The following NTM variants were observed in gnomAD, a reference collection of about 807,000 sequenced individuals.
NTM encodes neurotrimin.
In NTM, 13 loss-of-function variants were observed where a neutral mutation model predicts 42.1. The ratio of observed to expected loss-of-function variants is 0.31; its 90% CI spans 0.20 to 0.49. The LOEUF is 0.49. Among genes scored for constraint, NTM ranks in the 20% least tolerant of loss-of-function variants. The pLI, the probability that NTM is intolerant of heterozygous loss-of-function variation, is 0.99. For synonymous variants in NTM, 187 were observed against 179.2 expected, an observed-to-expected ratio of 1.04 and a Z score of -0.35; for missense variants, 373 against 452.8, an observed-to-expected ratio of 0.82 and a Z score of 1.60.
intron 1 of NTM, among the ~76,000 whole-genome samples, chr11:131,710,365 C>T (rs1290815944): frequency 2.6e-5 from 4 of 152,080 alleles, no homozygotes; most frequent in Non-Finnish European, 5.9e-5. Flanking sequence ...TAAGGTGATG[C>T]CTCCGTCCCC....
At chr11:132,115,184 CAA>C (rs1246092054) in intron 2 of NTM, among the ~76,000 whole-genome samples, 1 of 152,040 alleles carries the variant, frequency 6.6e-6, no homozygotes, top group Non-Finnish European at 1.5e-5. Context: ...TGAACGGGTA[CAA>C]AGTTTCAGTT....
At chr11:131,503,152 A>G (rs2047043848) in intron 1 of NTM, among the ~76,000 whole-genome samples, 2 of 152,088 alleles carry the variant, frequency 1.3e-5, no homozygotes, top group African/African-American at 4.8e-5. Context: ...GCCCACAGGA[A>G]CTCTCCAGTA....
chr11:132,078,284 ACACACT>A (rs1055220612), intron 2 of NTM, among the ~76,000 whole-genome samples: 1 of 152,210 alleles, frequency 6.6e-6, no homozygotes, highest in African/African-American at 2.4e-5. Context: ...GCTGGAACTG[ACACACT>A]CACGGATGTG....
chr11:131,394,817 A>C (rs1944380836), intron 1 of NTM, among the ~76,000 whole-genome samples: 1 of 152,194 alleles, frequency 6.6e-6, no homozygotes, highest in Admixed American at 6.5e-5. Flanking sequence ...TAAGTTGGTC[A>C]ATTCACTCCT....
At chr11:131,682,648 G>C (rs373993277) in intron 1 of NTM, among the ~76,000 whole-genome samples, 1 of 152,260 alleles carries the variant, frequency 6.6e-6, no homozygotes, top group African/African-American at 2.4e-5. Context: ...CCACTGACAC[G>C]GAGAGCGGGT....
At chr11:131,890,507 G>A (rs2051160119) in intron 1 of NTM, among the ~76,000 whole-genome samples, 2 of 152,180 alleles carry the variant, frequency 1.3e-5, no homozygotes, top group Admixed American at 6.5e-5. Context: ...AAACTCATGA[G>A]CGCTCTCCTT....
intron 2 of NTM, among the ~76,000 whole-genome samples, chr11:132,095,029 A>G (rs1337856010): frequency 6.6e-6 from 1 of 152,212 alleles, no homozygotes; most frequent in African/African-American, 2.4e-5. Context: ...AGATGGAGAC[A>G]TTCCTCATGT....
Position 131,651,805 on chromosome 11 carries a change from C to A in NTM, c.83-259759C>A, listed in dbSNP as rs563090647. ...GCAGTGAGCTGAGATCACGCCACTA[C>A]GCTACAGTCTGGAAACAATGTGAGA... On this transcript the variant is annotated intron_variant, in intron 1 of 8. Coordinates refer to ENST00000683400, the MANE Select transcript of NTM (RefSeq NM_001352005.2). 3.9e-5 allele frequency among the ~76,000 whole-genome samples: 6 copies of A among 152,076 alleles called. No individual in the cohort carries two copies. In the East Asian group the frequency reaches 9.7e-4, roughly 25 times the overall value.
intron 3 of NTM, among the ~76,000 whole-genome samples, chr11:132,189,817 G>A (rs145035072): frequency 3.3e-5 from 5 of 152,260 alleles, no homozygotes; most frequent in African/African-American, 9.6e-5. Context: ...TGTGTGATTC[G>A]GTTTATGCAT....
chr11:131,610,302 G>A (rs1003700191), intron 1 of NTM, among the ~76,000 whole-genome samples: 3 of 152,206 alleles, frequency 2.0e-5, no homozygotes, highest in African/African-American at 7.2e-5. Context: ...ATTAAACCAT[G>A]GCAGGAAACC....
rs537714860 is a variant in NTM at position 131,899,864 on chromosome 11, T to C, written c.83-11700T>C. Among the ~76,000 whole-genome samples, 3 of 152,380 alleles carry C rather than the reference T, an allele frequency of 2.0e-5. No individual in the cohort carries two copies. The South Asian group carries it at 6.2e-4, about 32-fold the overall frequency. ...ACATCGTGAATACCAAATGTCATCA[T>C]CAATTTCATGTTCCTCGTTTGTAGA... On this transcript the variant is annotated intron_variant, in intron 1 of 8. Coordinates refer to ENST00000683400, the MANE Select transcript of NTM (RefSeq NM_001352005.2).
At chr11:131,690,340 G>C (rs1398071157) in intron 1 of NTM, among the ~76,000 whole-genome samples, 1 of 152,234 alleles carries the variant, frequency 6.6e-6, no homozygotes, top group Non-Finnish European at 1.5e-5. Flanking sequence ...AGGTAGAGAT[G>C]TGAACCCCAG....
intron 1 of NTM, among the ~76,000 whole-genome samples, chr11:131,677,199 C>A (rs983059191): frequency 1.3e-5 from 2 of 152,144 alleles, no homozygotes; most frequent in African/African-American, 4.8e-5. Context: ...GCAGTGAGTG[C>A]CAGGAATGGA....
chr11:131,573,318 G>A (rs2057630657), intron 1 of NTM, among the ~76,000 whole-genome samples: 1 of 152,182 alleles, frequency 6.6e-6, no homozygotes, highest in South Asian at 2.1e-4. Flanking sequence ...TCATTTGCAA[G>A]ATTTCTGTTT....
chr11:131,464,950 A>C (rs1012046007), intron 1 of NTM, among the ~76,000 whole-genome samples: 3 of 152,306 alleles, frequency 2.0e-5, no homozygotes, highest in South Asian at 2.1e-4. Flanking sequence ...ACTGTGATTT[A>C]GGAGTGGAGG....
chr11:132,296,676 A>G (rs1212215868), intron 4 of NTM, among the ~76,000 whole-genome samples: 1 of 152,134 alleles, frequency 6.6e-6, no homozygotes, highest in Non-Finnish European at 1.5e-5. Context: ...GTGTGTGCCT[A>G]TATTTAGATT....
chr11:131,837,256 A>G (rs765539924), intron 1 of NTM, among the ~76,000 whole-genome samples: 14 of 152,164 alleles, frequency 9.2e-5, no homozygotes, highest in Admixed American at 2.6e-4. Flanking sequence ...TCAGGGATCA[A>G]TTCAAAAGGT....
intron 1 of NTM, among the ~76,000 whole-genome samples, chr11:131,520,256 A>G (rs1171700385): frequency 1.3e-5 from 2 of 152,216 alleles, no homozygotes; most frequent in Non-Finnish European, 1.5e-5. Context: ...TAGGTGCTTT[A>G]TAAAGATTCT....
intron 1 of NTM, among the ~76,000 whole-genome samples, chr11:131,910,640 C>T (rs780254887): frequency 2.9e-4 from 43 of 150,578 alleles, no homozygotes; most frequent in Non-Finnish European, 5.8e-4. Flanking sequence ...AGGAAGGCGG[C>T]GCGGAGGCCG....
Sources: gnomAD v4.1 joint callset for allele counts (sites outside exome capture counted in the v4.1 genomes callset) on GRCh38, gnomAD v4.1.1 for gene constraint, MANE v1.5 for transcripts, NCBI Gene and HGNC (gene_info 2026-07-23, HGNC 2026-07-21) for gene names.